The following ODF2 variants were observed in gnomAD, a reference collection of about 807,000 sequenced individuals.
The protein encoded by ODF2 is outer dense fiber of sperm tails 2.
ODF2 carries 47 observed loss-of-function variants against 110.2 expected under a neutral mutation model. The ratio of observed to expected loss-of-function variants is 0.43; its 90% CI spans 0.34 to 0.54. The LOEUF (loss-of-function observed/expected upper bound fraction) is 0.54. ODF2 is among the 20% of genes least tolerant of loss of function. ODF2 has a pLI of 0.03. For missense variants in ODF2, 812 were observed against 1,054.5 expected, an observed-to-expected ratio of 0.77 and a Z score of 3.19; for synonymous variants, 352 against 397.7, an observed-to-expected ratio of 0.89 and a Z score of 1.37.
chr9:128,484,654 T>C lies in ODF2; in HGVS notation c.1105-47T>C, dbSNP rs1443163975. On this transcript the variant is annotated intron_variant, in intron 11 of 20. Transcript: ENST00000604420. ...CCCTCTGCTTTGCCTTCCCACAACCTCCTTGTCTCTCTTCTCCCTCTCTTT... is the reference window on the plus strand; with the variant it reads ...CCCTCTGCTTTGCCTTCCCACAACCCCCTTGTCTCTCTTCTCCCTCTCTTT... 1.9e-6 allele frequency: 3 copies of C among 1,545,004 alleles called. No homozygotes were observed. In the South Asian group the frequency reaches 3.6e-5, roughly 18 times the overall value.
At chr9:128,488,424 CAAAAA>C (rs1345435856) in intron 14 of ODF2, among the ~76,000 whole-genome samples, 1 of 151,892 alleles carries the variant, frequency 6.6e-6, no homozygotes, top group Non-Finnish European at 1.5e-5. Flanking sequence ...GACTCTGTGT[CAAAAA>C]AGAAAAGAAA....
At chr9:128,464,893 C>CCA (rs71482227) in intron 4 of ODF2, among the ~76,000 whole-genome samples, 36,600 of 38,350 alleles carry the variant, frequency 0.95, 17,735 homozygotes, top group Non-Finnish European at 0.98. Flanking sequence ...CGGGGTTTCA[C>CCA]CGTTTTAGCC....
rs1842412351 is a variant in ODF2, at chr9:128,481,613, C to T, written c.877C>T (p.Leu293=). 3 of 1,614,074 alleles carry T rather than the reference C, an allele frequency of 1.9e-6. No individual in the cohort carries two copies. The East Asian group carries it at 6.7e-5, about 36-fold the overall frequency. ...AAGACTAATGGAGCAACAAGGAGCA[C>T]TGCTGAAACGGCTGGCGGAGGCCGA... The change falls in exon 9 of 21, where the codon CTG becomes TTG. Residue 293 remains leucine (L), a synonymous_variant. Coordinates refer to ENST00000604420, the Ensembl canonical transcript of ODF2.
At chr9:128,458,993 C>T (rs747691859) in intron 2 of ODF2, among the ~76,000 whole-genome samples, 8 of 151,992 alleles carry the variant, frequency 5.3e-5, no homozygotes, top group Non-Finnish European at 8.8e-5. Flanking sequence ...TACAGACACA[C>T]GCCACCACGC....
chr9:128,479,701 GA>G (rs1304821378), intron 8 of ODF2, among the ~76,000 whole-genome samples: 2 of 152,150 alleles, frequency 1.3e-5, no homozygotes, highest in Non-Finnish European at 2.9e-5. Flanking sequence ...CAAAACATGG[GA>G]ACAGCCTCAT....
At chr9:128,457,313 T>C in exon 2 of ODF2, 1 of 1,609,292 alleles carries the variant, frequency 6.2e-7, no homozygotes, top group Non-Finnish European at 8.5e-7. Flanking sequence ...GCCGGGCCCC[T>C]TGAGAGGCTC....
chr9:128,463,285 T>A (rs140166570), intron 4 of ODF2, among the ~76,000 whole-genome samples: 1 of 151,918 alleles, frequency 6.6e-6, no homozygotes, highest in Non-Finnish European at 1.5e-5. Flanking sequence ...AAGAGAAATA[T>A]GATACATCCA....
At chr9:128,486,833 A>G (rs531782001) in intron 13 of ODF2, among the ~76,000 whole-genome samples, 9 of 152,178 alleles carry the variant, frequency 5.9e-5, no homozygotes, top group Non-Finnish European at 1.2e-4. Flanking sequence ...TGCTGGGGGT[A>G]CAAAAGCCCA....
At chr9:128,479,972 G>T (rs957031758) in intron 8 of ODF2, among the ~76,000 whole-genome samples, 1 of 152,116 alleles carries the variant, frequency 6.6e-6, no homozygotes, top group African/African-American at 2.4e-5. Context: ...CTTAAAAATG[G>T]TTAGCCAGGT....
intron 4 of ODF2, among the ~76,000 whole-genome samples, chr9:128,467,377 G>A (rs1359471999): frequency 1.3e-5 from 2 of 151,874 alleles, no homozygotes; most frequent in African/African-American, 2.4e-5. Flanking sequence ...GAAATGTTAC[G>A]TGGCACATGA....
chr9:128,460,359 G>T, intron 3 of ODF2, 191 bp from the exon 3 acceptor site: 3 of 1,437,254 alleles, frequency 2.1e-6, no homozygotes, highest in Non-Finnish European at 2.8e-6. Flanking sequence ...CTTCTGCTGG[G>T]ATCTCTGCAG....
chr9:128,487,823 AC>A, intron 13 of ODF2, 66 bp from the exon 14 acceptor site: 2 of 1,568,168 alleles, frequency 1.3e-6, no homozygotes, highest in South Asian at 1.1e-5. Flanking sequence ...ACACACACAC[AC>A]ACACACACAC....
intron 14 of ODF2, among the ~76,000 whole-genome samples, chr9:128,490,928 T>G (rs1446189960): frequency 2.0e-5 from 3 of 152,186 alleles, no homozygotes; most frequent in Non-Finnish European, 4.4e-5. Context: ...ATTTATTTAT[T>G]TATTTATTTA....
intron 12 of ODF2, 75 bp downstream of exon 12, chr9:128,484,961 G>C: frequency 2.2e-6 from 3 of 1,339,476 alleles, no homozygotes; most frequent in Admixed American, 1.9e-5. Flanking sequence ...TGGTCAGCCA[G>C]ATGGGTAGCG....
At chr9:128,457,943 A>ATATT (rs1554817270) in intron 2 of ODF2, among the ~76,000 whole-genome samples, 4,111 of 140,380 alleles carry the variant, frequency 0.029, 71 homozygotes, top group Non-Finnish European at 0.043. Flanking sequence ...ATATATATAT[A>ATATT]TTTTTTTTTT....
At chr9:128,484,704 C>T in exon 12 of ODF2, 1 of 1,560,712 alleles carries the variant, frequency 6.4e-7, no homozygotes, top group Non-Finnish European at 8.7e-7. Context: ...CTTCCAGAAT[C>T]TGGAGCGCAG....
rs1378329356 is a variant in ODF2 at position 128,485,195 on chromosome 9, A to T, written c.1291-170A>T. On this transcript the variant is annotated intron_variant, in intron 12 of 20. Transcript: ENST00000604420. This position sits in a 1 kb window ranked among gnomAD's most constrained non-coding sequence, Gnocchi z 5.0. ...TGCATTTGATTGCTAGAAATCTGGG[A>T]GCACTAGCTGGGCTCCCACTGTTGC... Among the ~76,000 whole-genome samples the T allele has an allele frequency of 3.3e-5, 5 of 152,124 alleles. No individual in the cohort carries two copies. Among genetic ancestry groups the T allele is most frequent in the Non-Finnish European group, 7.4e-5 (5 of 68,010 alleles).
chr9:128,484,883 C>T (rs773515630), exon 12 of ODF2: 3 of 1,613,282 alleles, frequency 1.9e-6, no homozygotes, highest in Non-Finnish European at 2.5e-6. Flanking sequence ...AACTCGCTGA[C>T]AAGGTCGCAG....
At chr9:128,483,268 C>T (rs953865052) in intron 10 of ODF2, among the ~76,000 whole-genome samples, 6 of 152,006 alleles carry the variant, frequency 3.9e-5, no homozygotes, top group Admixed American at 2.0e-4. Context: ...GTCTTTGGGC[C>T]GGGTGCAGTA....
Sources: allele counts gnomAD v4.1 joint callset (sites outside exome capture counted in the v4.1 genomes callset), GRCh38; gene constraint gnomAD v4.1.1; non-coding constraint Gnocchi (gnomAD v3.1); transcripts MANE v1.5; gene names NCBI Gene and HGNC (gene_info 2026-07-23, HGNC 2026-07-21).